The following ALOXE3 variants were observed in gnomAD, a reference collection of about 807,000 sequenced individuals.
The protein encoded by ALOXE3 is arachidonate epidermal lipoxygenase 3.
In ALOXE3, 78 loss-of-function variants were observed where a neutral mutation model predicts 87.5. The observed-to-expected ratio is 0.89, with a 90% CI of 0.74 to 1.08. The LOEUF is 1.08. ALOXE3 is among the 50% of genes least tolerant of loss of function. The pLI is 0.00. For synonymous variants in ALOXE3, 363 were observed against 370.8 expected (o/e 0.98, Z 0.24); for missense variants, 946 against 912.4 (o/e 1.04, Z -0.47).
Position 8,118,468 on chromosome 17 carries a change from G to T in ALOXE3, c.-314+18C>A. On this transcript the variant is annotated intron_variant, in intron 1 of 15. Transcript: ENST00000448843. ...ATCTGTTCCTCCCCATTCCCAGGCA[G>T]AGATGAGCACAGGGCACCTGCATTC... 6.5e-7 allele frequency: 1 copy of T among 1,549,022 alleles called. No individual in the cohort carries two copies. Among genetic ancestry groups the T allele is most frequent in the South Asian group, 1.2e-5 (1 of 84,058 alleles).
Position 8,109,959 on chromosome 17 carries a change from A to C in ALOXE3, c.1349T>G (p.Ile450Ser). The C allele has an allele frequency of 1.9e-6, 3 of 1,551,548 alleles. No homozygotes were observed. Among genetic ancestry groups the C allele is most frequent in the Non-Finnish European group, 2.6e-6 (3 of 1,146,982 alleles). Residue 450 changes from isoleucine (I) to serine (S), a missense_variant, in exon 11 of 16, where the codon ATC becomes AGC. By Grantham distance (142) the Ile-to-Ser change is moderately radical. Transcript: ENST00000448843. The part of the protein sequence containing the change: ...HTRYTLQVNT[I>S]ARATLLNPEG... ...GGGGTTGAGCAGCGTGGCCCTCGCG[A>C]TGGTGTTCACCTGCAGCGTGTATCG...
At position 8,108,480 on chromosome 17, in the gene ALOXE3, G is replaced by A. The variant is rs767206198; in HGVS notation, c.1672C>T (p.Arg558Trp). ...AGAGAGGGGATACCTGAGCTTTCCC[G>A]GCCCAGGAACGCCTGAGCAAAAATC... is the stretch of plus-strand genomic sequence containing the variant. Reference protein sequence around the residue: ...GEIFAQAFLGRESSGFPSRLC... With the variant: ...GEIFAQAFLGWESSGFPSRLC... The change falls in exon 13 of 16, where the codon CGG (arginine) becomes TGG (tryptophan). Residue 558 changes from arginine to tryptophan, a missense_variant. Coordinates refer to ENST00000448843, the MANE Select transcript of ALOXE3 (RefSeq NM_021628.3). 6 of 1,613,078 alleles carry A rather than the reference G, an allele frequency of 3.7e-6. No individual in the cohort carries two copies. The Admixed American group carries it at 6.7e-5, about 18-fold the overall frequency.
At position 8,103,396 on chromosome 17, in the gene ALOXE3, G is replaced by T. The variant is rs1979048017; in HGVS notation, c.1883C>A (p.Thr628Asn). 6.2e-7 allele frequency: 1 copy of T among 1,614,116 alleles called. No homozygotes were observed. Residue 628 changes from threonine (T) to asparagine (N), a missense_variant, in exon 15 of 16, where the codon ACC becomes AAC. Coordinates refer to ENST00000448843, the MANE Select transcript of ALOXE3 (RefSeq NM_021628.3). ...GTTTLKTYLD[T>N]LPEVNISCNN... ...ACAGCTGATGTTCACTTCAGGGAGG[G>T]TGTCTAGGTAAGTCTTCAGGGTGGT...
Position 8,108,469 on chromosome 17 carries a change from T to C in ALOXE3, c.1683A>G (p.Ser561=). 4 of 1,612,650 alleles carry C rather than the reference T, an allele frequency of 2.5e-6. No individual in the cohort carries two copies. The highest frequency in any genetic ancestry group is 1.3e-5 in the African/African-American group (1 of 75,016). ...GAAAGTGGGATAGAGAGGGGATACCTGAGCTTTCCCGGCCCAGGAACGCCT... is the reference window on the plus strand; with the variant it reads ...GAAAGTGGGATAGAGAGGGGATACCCGAGCTTTCCCGGCCCAGGAACGCCT... ...FAQAFLGRES[S]GFPSRLCTPG... Residue 561 remains serine (S), a splice_region_variant and synonymous_variant, in exon 13 of 16, where the codon TCA becomes TCG. Transcript: ENST00000448843.
At chr17:8,098,242 T>TTTG (rs1320142424) in intron 15 of ALOXE3, among the ~76,000 whole-genome samples, 3 of 133,248 alleles carry the variant, frequency 2.3e-5, no homozygotes, top group East Asian at 2.2e-4. Context: ...TTGTTTTTTT[T>TTTG]TTTTTTTTTT....
intron 15 of ALOXE3, among the ~76,000 whole-genome samples, chr17:8,103,087 T>C (rs1979024668): frequency 6.6e-6 from 1 of 152,192 alleles, no homozygotes; most frequent in Non-Finnish European, 1.5e-5. Flanking sequence ...ACATGAGTAG[T>C]TGATGAATGA....
At chr17:8,118,664 C>A, upstream of ALOXE3, 2 of 1,537,318 alleles carry the variant, frequency 1.3e-6, no homozygotes, top group South Asian at 1.2e-5. Flanking sequence ...CACGCATGGC[C>A]CTCTTTGTCC....
Position 8,096,519 on chromosome 17 carries a change from G to A in ALOXE3, c.*108C>T, listed in dbSNP as rs905288651. ...AAAGTCTCCATGTGCAGAAGAGAAG[G>A]TTCAGGTGAACTGAGAACAGGGAGG... On this transcript the variant is annotated 3_prime_UTR_variant, in exon 16 of 16. Coordinates refer to ENST00000448843, the MANE Select transcript of ALOXE3 (RefSeq NM_021628.3). 5.3e-6 allele frequency: 4 copies of A among 756,106 alleles called. No homozygotes were observed. Among genetic ancestry groups the A allele is most frequent in the Non-Finnish European group, 9.8e-6 (4 of 408,730 alleles). 46.8% of individuals were successfully genotyped at this position (756,106 alleles called of 1,614,324 possible).
intron 13 of ALOXE3, among the ~76,000 whole-genome samples, chr17:8,105,466 T>C (rs1719682237): frequency 1.3e-5 from 2 of 152,298 alleles, no homozygotes; most frequent in African/African-American, 4.8e-5. Context: ...CCTCTTAGCA[T>C]TCATAACCAC....
chr17:8,102,222 C>T (rs1176562338), intron 15 of ALOXE3, among the ~76,000 whole-genome samples: 1 of 152,164 alleles, frequency 6.6e-6, no homozygotes, highest in East Asian at 1.9e-4. Flanking sequence ...CGGCCGTGCG[C>T]GGTGGCTCAC....
chr17:8,118,401 G>A, intron 1 of ALOXE3, 85 bp downstream of exon 1: 1 of 1,551,110 alleles, frequency 6.4e-7, no homozygotes, highest in Admixed American at 2.0e-5. Context: ...CCGGACTGAT[G>A]CCCTGGAGTG....
intron 13 of ALOXE3, among the ~76,000 whole-genome samples, chr17:8,104,763 G>A (rs1354227836): frequency 6.6e-6 from 1 of 152,212 alleles, no homozygotes; most frequent in African/African-American, 2.4e-5. Flanking sequence ...AGGCCTCCTG[G>A]AGGACAAGAG....
intron 14 of ALOXE3, 89 bp downstream of exon 14, chr17:8,104,026 G>A (rs984498825): frequency 5.3e-5 from 59 of 1,118,226 alleles, no homozygotes; most frequent in Admixed American, 2.2e-4. Context: ...CCACCCCAAC[G>A]CTGACCCACC....
chr17:8,118,223 C>G lies in ALOXE3; in HGVS notation c.-233G>C. The stretch of plus-strand genomic sequence containing the variant: ...CTCTCTCCGCCCACAGTCTTGCACT[C>G]TAATACTTGTTTGCTTGCCTCTGAC... On this transcript the variant is annotated 5_prime_UTR_variant, in exon 2 of 16. Transcript: ENST00000448843. The G allele has an allele frequency of 6.4e-7, 1 of 1,551,650 alleles. No homozygotes were observed. The highest frequency in any genetic ancestry group is 8.7e-7 in the Non-Finnish European group (1 of 1,146,988).
At chr17:8,110,678 G>A (rs1979997864) in intron 8 of ALOXE3, 150 bp from the exon 9 acceptor site, 2 of 1,157,578 alleles carry the variant, frequency 1.7e-6, no homozygotes, top group Admixed American at 2.3e-5. Context: ...GCCAAAGTGG[G>A]GTACCCCGCC....
intron 13 of ALOXE3, among the ~76,000 whole-genome samples, chr17:8,105,544 T>C (rs972871377): frequency 3.3e-5 from 5 of 152,186 alleles, no homozygotes; most frequent in Admixed American, 2.0e-4. Flanking sequence ...AAGGCCAGAA[T>C]TTTTGTCTTT....
intron 3 of ALOXE3, among the ~76,000 whole-genome samples, 175 bp from the exon 4 acceptor site, chr17:8,115,863 C>G (rs1398421920): frequency 6.6e-6 from 1 of 152,254 alleles, no homozygotes; most frequent in South Asian, 2.1e-4. Context: ...TTCAAGACAG[C>G]TTCACCCCCA....
In ALOXE3 at chr17:8,116,838, G is replaced by A; in HGVS notation, c.290C>T (p.Ser97Phe). 1 of 1,614,230 alleles carries A rather than the reference G, an allele frequency of 6.2e-7. No homozygotes were observed. Among genetic ancestry groups the A allele is most frequent in the Non-Finnish European group, 8.5e-7 (1 of 1,180,030 alleles). The change falls in exon 3 of 16, where the codon TCC becomes TTC. Residue 97 changes from serine (S) to phenylalanine (F), a missense_variant. Transcript: ENST00000448843. ...ICVTEPDGSV[S>F]HFPCYQWIEG... ...AATCCACTGATAGCAGGGGAAGTGG[G>A]ATACACTACCATCCGGTTCGGTGAC...
chr17:8,116,394 T>C (rs974639573), intron 3 of ALOXE3, among the ~76,000 whole-genome samples: 15 of 152,306 alleles, frequency 9.8e-5, no homozygotes, highest in African/African-American at 3.4e-4. Context: ...CTAAAATCTC[T>C]GAGCAGCCAG....
Sources: gnomAD v4.1 joint callset for allele counts (sites outside exome capture counted in the v4.1 genomes callset) on GRCh38, gnomAD v4.1.1 for gene constraint, MANE v1.5 for transcripts, NCBI Gene and HGNC (gene_info 2026-07-23, HGNC 2026-07-21) for gene names.